PDE8B: variants seen among roughly 807,000 people sequenced by gnomAD.
PDE8B encodes high affinity cAMP-specific and IBMX-insensitive 3',5'-cyclic phosphodiesterase 8B.
A neutral mutation model predicts 101.3 loss-of-function variants in PDE8B; 26 were observed. The ratio of observed to expected loss-of-function variants is 0.26; its 90% CI spans 0.19 to 0.36. The LOEUF (loss-of-function observed/expected upper bound fraction) is 0.36, where lower values mean the gene tolerates loss of function less well. Among genes scored for constraint, PDE8B ranks in the 10% least tolerant of loss-of-function variants. The pLI is 1.00. For missense variants in PDE8B, 810 were observed against 1,163.1 expected, an observed-to-expected ratio of 0.70 and a Z score of 4.42; for synonymous variants, 424 against 429.3, an observed-to-expected ratio of 0.99 and a Z score of 0.15.
At chr5:77,245,876 G>C (rs1756833112) in intron 1 of PDE8B, among the ~76,000 whole-genome samples, 1 of 90,088 alleles carries the variant, frequency 1.1e-5, no homozygotes, top group Admixed American at 1.7e-4. Context: ...TTTTGAGATA[G>C]GGTCTTGTTC....
At chr5:77,282,407 C>T (rs561626713) in intron 1 of PDE8B, among the ~76,000 whole-genome samples, 5 of 152,216 alleles carry the variant, frequency 3.3e-5, no homozygotes, top group Admixed American at 1.3e-4. Flanking sequence ...CCCCACACTG[C>T]GCTGCCCCTT....
At chr5:77,185,872 G>A in the PDE8B span, among the ~76,000 whole-genome samples, 1 of 152,236 alleles carries the variant, frequency 6.6e-6, no homozygotes, top group African/African-American at 2.4e-5. Flanking sequence ...CTGTGGGTTA[G>A]AGATGGGAAA....
chr5:77,358,451 T>C, intron 10 of PDE8B: 1 of 985,272 alleles, frequency 1.0e-6, no homozygotes, highest in Non-Finnish European at 1.2e-6. Context: ...TTATGCTGCT[T>C]TGGGTGAGTT....
the PDE8B span, among the ~76,000 whole-genome samples, chr5:77,194,026 C>T: frequency 1.3e-5 from 2 of 152,168 alleles, no homozygotes; most frequent in Non-Finnish European, 2.9e-5. Context: ...GTTCTAGCAG[C>T]TGTTTTCATA....
intron 1 of PDE8B, among the ~76,000 whole-genome samples, chr5:77,273,814 T>G (rs918493329): frequency 2.0e-5 from 3 of 151,438 alleles, no homozygotes; most frequent in Non-Finnish European, 4.4e-5. Flanking sequence ...TTTTTTTTAT[T>G]TATTTTTTAT....
At chr5:77,425,740 G>GA (rs1797946574) in intron 20 of PDE8B, 27 bp from the exon 21 acceptor site, 1 of 1,612,118 alleles carries the variant, frequency 6.2e-7, no homozygotes, top group African/African-American at 1.3e-5. Flanking sequence ...ATGTCCTCCA[G>GA]CCCTATGTGG....
At chr5:77,270,263 C>A (rs1047665710) in intron 1 of PDE8B, among the ~76,000 whole-genome samples, 2 of 152,138 alleles carry the variant, frequency 1.3e-5, no homozygotes, top group Non-Finnish European at 2.9e-5. Context: ...ACACTGTCCA[C>A]TGTTTGCATA....
the PDE8B span, chr5:77,146,846 C>A: frequency 1.2e-4 from 41 of 349,744 alleles, no homozygotes. Context: ...TTCAAGGATC[C>A]CAATGCACCC....
At chr5:77,401,518 C>T (rs1035799102) in intron 11 of PDE8B, among the ~76,000 whole-genome samples, 3 of 152,206 alleles carry the variant, frequency 2.0e-5, no homozygotes, top group Admixed American at 2.0e-4. Context: ...GGGCTACCTA[C>T]AAAATCTCTC....
chr5:77,266,485 G>A (rs546847492), intron 1 of PDE8B, among the ~76,000 whole-genome samples: 5 of 152,312 alleles, frequency 3.3e-5, no homozygotes, highest in Non-Finnish European at 5.9e-5. Context: ...TTTGAAGAAA[G>A]CACATGTGTT....
chr5:77,210,632 GGGCGCCGC>G, upstream of PDE8B: 1 of 982,232 alleles, frequency 1.0e-6, no homozygotes, highest in Non-Finnish European at 1.2e-6. The surrounding 1 kb of genome is among the most constrained non-coding windows in gnomAD (Gnocchi z 4.9). Context: ...AGCGTGTTTG[GGGCGCCGC>G]GGCGGGGAGG....
At chr5:77,318,318 G>A (rs1297603438) in intron 2 of PDE8B, among the ~76,000 whole-genome samples, 6 of 152,012 alleles carry the variant, frequency 3.9e-5, no homozygotes, top group South Asian at 4.1e-4. Context: ...CTTCTACCTC[G>A]TCCAGCCAGT....
At chr5:77,377,793 T>C (rs1417633812) in intron 10 of PDE8B, among the ~76,000 whole-genome samples, 1 of 152,098 alleles carries the variant, frequency 6.6e-6, no homozygotes, top group Non-Finnish European at 1.5e-5. Context: ...AAGTGCAAAT[T>C]TGCCCTTGCT....
chr5:77,378,049 C>CACACACACACACACACACAT lies in PDE8B; in HGVS notation c.1168-22199_1168-22198insACACACACACACACACACAT, dbSNP rs1554093056. On this transcript the variant is annotated intron_variant, in intron 10 of 21. Transcript: ENST00000264917. ...ACACACACACACACACACACACACA[C>CACACACACACACACACACAT]CCCCTGTTGGTTCTTTGTCTAGAGA... Among the ~76,000 whole-genome samples the CACACACACACACACACACAT allele has an allele frequency of 2.0e-3, 297 of 148,478 alleles. 4 individuals carry two copies. Among genetic ancestry groups the CACACACACACACACACACAT allele is most frequent in the African/African-American group, 7.0e-3 (279 of 39,742 alleles).
chr5:77,320,283 G>C (rs1774749641), intron 2 of PDE8B, among the ~76,000 whole-genome samples: 1 of 152,176 alleles, frequency 6.6e-6, no homozygotes, highest in Non-Finnish European at 1.5e-5. Flanking sequence ...CATTATTACA[G>C]TCTGATTCTA....
chr5:77,147,320 T>C, the PDE8B span: 2 of 186,528 alleles, frequency 1.1e-5, no homozygotes, highest in Non-Finnish European at 2.2e-5. Context: ...CACTACTGAA[T>C]GTGGCTTTAG....
At chr5:77,154,387 G>A in the PDE8B span, among the ~76,000 whole-genome samples, 2,940 of 152,310 alleles carry the variant, frequency 0.019, 79 homozygotes, top group African/African-American at 0.065. Context: ...GCCTAGCATG[G>A]CGCTTGGCAC....
At chr5:77,136,143 G>A in the PDE8B span, among the ~76,000 whole-genome samples, 1 of 152,026 alleles carries the variant, frequency 6.6e-6, no homozygotes, top group Non-Finnish European at 1.5e-5. Context: ...TTATTTTCCA[G>A]TTACTTGTTT....
chr5:77,361,258 G>A (rs1456271265), intron 10 of PDE8B, among the ~76,000 whole-genome samples: 1 of 152,056 alleles, frequency 6.6e-6, no homozygotes, highest in Non-Finnish European at 1.5e-5. Flanking sequence ...AAGAAAATTG[G>A]CAAACTCTAC....
Sources: allele counts gnomAD v4.1 joint callset (sites outside exome capture counted in the v4.1 genomes callset), GRCh38; gene constraint gnomAD v4.1.1; non-coding constraint Gnocchi (gnomAD v3.1); transcripts MANE v1.5; gene names NCBI Gene and HGNC (gene_info 2026-07-23, HGNC 2026-07-21).